The following ADAMDEC1 variants were observed in gnomAD, a reference collection of about 807,000 sequenced individuals.
ADAMDEC1 encodes the protein ADAM DEC1.
Under a neutral mutation model 60.4 loss-of-function variants are expected in ADAMDEC1, and 62 were observed. The ratio of observed to expected loss-of-function variants is 1.03; its 90% CI spans 0.84 to 1.27. ADAMDEC1 has a LOEUF of 1.27. Ranked by LOEUF, ADAMDEC1 falls within the 50% of genes most tolerant of loss-of-function variation. ADAMDEC1 has a pLI of 0.00. For synonymous variants in ADAMDEC1, 210 were observed against 195.1 expected (o/e 1.08, Z -0.64); for missense variants, 595 against 565.0 (o/e 1.05, Z -0.54).
intron 11 of ADAMDEC1, 83 bp downstream of exon 11, chr8:24,400,383 TAATTA>T: frequency 7.3e-7 from 1 of 1,366,076 alleles, no homozygotes; most frequent in Admixed American, 2.6e-5. Flanking sequence ...CTCTATTGTT[TAATTA>T]AATATTAGAT....
intron 1 of ADAMDEC1, among the ~76,000 whole-genome samples, chr8:24,385,293 T>C (rs185790828): frequency 1.3e-3 from 201 of 152,294 alleles, no homozygotes; most frequent in African/African-American, 4.6e-3. Flanking sequence ...TGAGGAGTTA[T>C]CCAAGCTCCC....
Position 24,384,319 on chromosome 8 carries a change from A to T in ADAMDEC1, c.-186A>T, listed in dbSNP as rs1247210534. The T allele has an allele frequency of 1.7e-6, 1 of 578,404 alleles. No homozygotes were observed. The highest frequency in any genetic ancestry group is 3.0e-6 in the Non-Finnish European group (1 of 329,212). The allele number at this position is 578,404 out of a possible 1,614,324, so 35.8% of individuals were successfully genotyped here. On this transcript the variant is annotated 5_prime_UTR_variant, in exon 1 of 14. Transcript: ENST00000256412. ...TCCTCAATGAGCTATAACCACAGCC[A>T]TAAATATCTCTCAAAGATGAGGAAC...
At chr8:24,403,283 T>G (rs1188594609) in intron 12 of ADAMDEC1, among the ~76,000 whole-genome samples, 1 of 152,138 alleles carries the variant, frequency 6.6e-6, no homozygotes, top group African/African-American at 2.4e-5. Context: ...GTATACTTCA[T>G]ACAGTATTGT....
intron 1 of ADAMDEC1, 28 bp from the exon 2 acceptor site, chr8:24,392,234 T>C (rs1817463043): frequency 1.0e-5 from 16 of 1,525,712 alleles, no homozygotes; most frequent in Non-Finnish European, 1.4e-5. Context: ...TTAAATCTTT[T>C]ATGTGAATAT....
At chr8:24,397,080 T>C (rs1356233096) in intron 5 of ADAMDEC1, among the ~76,000 whole-genome samples, 190 bp from the exon 6 acceptor site, 1 of 152,242 alleles carries the variant, frequency 6.6e-6, no homozygotes, top group African/African-American at 2.4e-5. Context: ...TCTTGGTAAA[T>C]AAGTTAGGCT....
At chr8:24,386,927 C>T (rs959296159) in intron 1 of ADAMDEC1, among the ~76,000 whole-genome samples, 3 of 152,104 alleles carry the variant, frequency 2.0e-5, no homozygotes, top group Non-Finnish European at 4.4e-5. Flanking sequence ...TTTGCCAGGC[C>T]AATTGATTCT....
intron 1 of ADAMDEC1, among the ~76,000 whole-genome samples, chr8:24,389,092 G>A (rs1433786368): frequency 2.0e-5 from 3 of 152,070 alleles, no homozygotes; most frequent in African/African-American, 7.2e-5. Flanking sequence ...CTTACACAAG[G>A]AAAAATGGAT....
intron 7 of ADAMDEC1, among the ~76,000 whole-genome samples, chr8:24,398,033 TTA>T (rs1466798506): frequency 6.6e-6 from 1 of 150,732 alleles, no homozygotes; most frequent in Non-Finnish European, 1.5e-5. Context: ...TTGCAATACT[TTA>T]TATCTTAATA....
chr8:24,385,658 G>A (rs1817273063), intron 1 of ADAMDEC1, among the ~76,000 whole-genome samples: 1 of 151,952 alleles, frequency 6.6e-6, no homozygotes, highest in Non-Finnish European at 1.5e-5. Context: ...TGACAACACA[G>A]AACTAACTTC....
In ADAMDEC1 at chr8:24,384,405, C is replaced by A; in HGVS notation, c.-100C>A. ...TTTCCCAACACTCTTAAGAAACATT[C>A]CCCAATCTCACACGAAAAGTGGGGG... On this transcript the variant is annotated 5_prime_UTR_variant, in exon 1 of 14. Transcript: ENST00000256412. The A allele has an allele frequency of 1.1e-6, 1 of 941,204 alleles. No homozygotes were observed. Among genetic ancestry groups the A allele is most frequent in the Non-Finnish European group, 1.6e-6 (1 of 641,992 alleles). 58.3% of individuals were successfully genotyped at this position (941,204 alleles called of 1,614,324 possible).
rs1356215842 is a variant in ADAMDEC1 at position 24,395,704 on chromosome 8, C to A, written c.364-16C>A. 2 of 1,592,308 alleles carry A rather than the reference C, an allele frequency of 1.3e-6. No homozygotes were observed. The highest frequency in any genetic ancestry group is 1.8e-4 in the Middle Eastern group (1 of 5,672). On this transcript the variant is annotated splice_polypyrimidine_tract_variant and intron_variant, in intron 4 of 13. Transcript: ENST00000256412. ...CACACACATTTCTGAAGCATAATTT[C>A]TTTTTTCCACTCCAGGAACACTGTT... is the stretch of plus-strand genomic sequence containing the variant.
chr8:24,404,816 A>T (rs1817849706), intron 13 of ADAMDEC1, among the ~76,000 whole-genome samples: 3 of 152,194 alleles, frequency 2.0e-5, no homozygotes, highest in Non-Finnish European at 2.9e-5. Context: ...TAGGGAATGG[A>T]TAGGCAAGGT....
rs1486997369 is a variant in ADAMDEC1 at position 24,391,552 on chromosome 8, A to T, written c.89-710A>T. On this transcript the variant is annotated intron_variant, in intron 1 of 13. Coordinates refer to ENST00000256412, the MANE Select transcript of ADAMDEC1 (RefSeq NM_014479.3). ...GTAAACAATGAAAATCTGTCTATGC[A>T]ATGTAATTTCAAGTACATCAAGAAC... Among the ~76,000 whole-genome samples, 3 of 152,032 alleles carry T rather than the reference A, an allele frequency of 2.0e-5. No homozygotes were observed. The East Asian group carries it at 5.8e-4, about 29-fold the overall frequency.
rs769061150 is a variant in ADAMDEC1 at position 24,392,385 on chromosome 8, G to T, written c.207+5G>T. ...ACAGAAAAGCATGGCAAAGAGGTAA[G>T]CAAGGTGAATGACCGTGGTAGATGT... On this transcript the variant is annotated splice_donor_5th_base_variant and intron_variant, in intron 2 of 13. Transcript: ENST00000256412. 1.3e-6 allele frequency: 2 copies of T among 1,589,352 alleles called. No individual in the cohort carries two copies. The highest frequency in any genetic ancestry group is 2.7e-5 in the African/African-American group (2 of 74,124).
At position 24,405,904 on chromosome 8, in the gene ADAMDEC1, T is replaced by C. The variant is rs1351055022; in HGVS notation, c.*606T>C. ...TACACACATCTCCTTCATCATCATA[T>C]ATGAAGTTTATTTTGAGAAGTCTAC... On this transcript the variant is annotated 3_prime_UTR_variant, in exon 14 of 14. Transcript: ENST00000256412. 1.3e-5 allele frequency: 2 copies of C among 152,208 alleles called. No homozygotes were observed. Among genetic ancestry groups the C allele is most frequent in the African/African-American group, 4.8e-5 (2 of 41,460 alleles). 9.4% of individuals were successfully genotyped at this position (152,208 alleles called of 1,614,324 possible). A position where few individuals can be genotyped will look rare whatever the true frequency, so the allele number is the denominator to read the frequency against.
intron 11 of ADAMDEC1, among the ~76,000 whole-genome samples, chr8:24,401,110 C>G (rs997513702): frequency 2.6e-5 from 4 of 152,046 alleles, no homozygotes; most frequent in African/African-American, 7.2e-5. Context: ...AATTCGGAAG[C>G]AGTCTACAGA....
intron 12 of ADAMDEC1, 77 bp from the exon 13 acceptor site, chr8:24,403,926 G>A (rs1817825232): frequency 5.1e-6 from 6 of 1,172,294 alleles, no homozygotes; most frequent in Non-Finnish European, 7.4e-6. Flanking sequence ...TTGCCATCTT[G>A]TGCCAGAATT....
intron 1 of ADAMDEC1, among the ~76,000 whole-genome samples, chr8:24,389,664 T>C (rs1817387558): frequency 6.6e-6 from 1 of 152,220 alleles, no homozygotes; most frequent in African/African-American, 2.4e-5. Context: ...CACAATCTAT[T>C]CATTTCCATA....
intron 13 of ADAMDEC1, 97 bp from the exon 14 acceptor site, chr8:24,405,195 A>C: frequency 8.2e-7 from 1 of 1,219,442 alleles, no homozygotes; most frequent in Non-Finnish European, 1.2e-6. Flanking sequence ...TGTTATTCAC[A>C]TAATTTAAAT....
Sources: gnomAD v4.1 joint callset for allele counts (sites outside exome capture counted in the v4.1 genomes callset) on GRCh38, gnomAD v4.1.1 for gene constraint, MANE v1.5 for transcripts, NCBI Gene and HGNC (gene_info 2026-07-23, HGNC 2026-07-21) for gene names.